RNF19B: variants seen among roughly 807,000 people sequenced by gnomAD.
RNF19B encodes the protein ring finger protein 19B.
Under a neutral mutation model 65.5 loss-of-function variants are expected in RNF19B, and 23 were observed. The ratio of observed to expected loss-of-function variants is 0.35; its 90% CI spans 0.25 to 0.50. The LOEUF (loss-of-function observed/expected upper bound fraction) is 0.50. RNF19B is among the 20% of genes least tolerant of loss of function. RNF19B has a pLI of 0.98. For synonymous variants in RNF19B, 372 were observed against 379.6 expected (o/e 0.98, Z 0.23); for missense variants, 794 against 980.0 (o/e 0.81, Z 2.53).
chr1:32,939,648 C>T (rs200067806), intron 7 of RNF19B, among the ~76,000 whole-genome samples: 2 of 152,370 alleles, frequency 1.3e-5, no homozygotes, highest in East Asian at 1.9e-4. Context: ...AACCTCTTCC[C>T]TCCTCTTGGA....
Position 32,949,691 on chromosome 1 carries a change from T to C in RNF19B, c.719A>G (p.His240Arg). ...ATTTGGATGCCATATCTGCTTGCAG[T>C]GGTAGCAGAACTCAGTCTGGCAACC... ...REGCQTEFCY[H>R]CKQIWHPNQT... Residue 240 changes from histidine (H) to arginine (R), a missense_variant, in exon 2 of 9, where the codon CAC (histidine) becomes CGC (arginine). By Grantham distance (29) the His-to-Arg change is conservative. This residue lies in a region of RNF19B where 374 missense variants were observed against 423.8 expected (regional missense o/e 0.88). Transcript: ENST00000235150. The C allele has an allele frequency of 6.2e-7, 1 of 1,613,860 alleles. No homozygotes were observed.
rs1489135608 is a variant in RNF19B, at chr1:32,964,648, G to A, written c.38C>T (p.Thr13Ile). 3 of 1,474,840 alleles carry A rather than the reference G, an allele frequency of 2.0e-6. No individual in the cohort carries two copies. The highest frequency in any genetic ancestry group is 3.1e-5 in the East Asian group (1 of 32,692). 91.4% of individuals were successfully genotyped at this position (1,474,840 alleles called of 1,614,324 possible). Residue 13 changes from threonine to isoleucine, a missense_variant, in exon 1 of 9, where the codon ACA becomes ATA. Thr to Ile is a moderately conservative substitution (Grantham distance 89). Coordinates refer to ENST00000235150, the MANE Select transcript of RNF19B (RefSeq NM_001300826.2). The surrounding 1 kb of genome is among the most constrained non-coding windows in gnomAD (Gnocchi z 6.5). Reference protein sequence around the residue: ...SEKDSESPRSTSLHAAAPDPK... With the variant: ...SEKDSESPRSISLHAAAPDPK... Reference sequence around the variant, plus strand: ...GTCGGGTGCGGCCGCATGTAGCGATGTGGAGCGCGGCGACTCGGAGTCCTT... The same window carrying A: ...GTCGGGTGCGGCCGCATGTAGCGATATGGAGCGCGGCGACTCGGAGTCCTT...
chr1:32,938,341 A>T, intron 8 of RNF19B, 56 bp downstream of exon 8: 2 of 1,601,400 alleles, frequency 1.2e-6, no homozygotes, highest in Non-Finnish European at 1.7e-6. Context: ...ACTTCTGAAG[A>T]CCTAGTACCC....
chr1:32,935,053 A>T (rs1246769561), downstream of RNF19B, among the ~76,000 whole-genome samples: 1 of 151,726 alleles, frequency 6.6e-6, no homozygotes, highest in African/African-American at 2.4e-5. Flanking sequence ...GATGGTCTTG[A>T]TCTCCTGACC....
chr1:32,931,582 G>A (rs1044969484), downstream of RNF19B, among the ~76,000 whole-genome samples: 1 of 152,174 alleles, frequency 6.6e-6, no homozygotes, highest in African/African-American at 2.4e-5. Flanking sequence ...TCACATAAGA[G>A]GCCTGGTAAA....
At chr1:32,944,290 T>C (rs893885942) in intron 5 of RNF19B, 131 bp from the exon 6 acceptor site, 11 of 967,106 alleles carry the variant, frequency 1.1e-5, no homozygotes, top group Non-Finnish European at 1.7e-5. Flanking sequence ...CCCAAAAAGG[T>C]GGCCTGGTGT....
chr1:32,940,829 A>C (rs573637618), intron 7 of RNF19B, among the ~76,000 whole-genome samples: 1 of 152,348 alleles, frequency 6.6e-6, no homozygotes, highest in East Asian at 1.9e-4. Flanking sequence ...AGCAAGTCAC[A>C]ATCTTTTTAG....
chr1:32,953,901 C>T (rs1300095634), intron 1 of RNF19B, among the ~76,000 whole-genome samples: 10 of 84,210 alleles, frequency 1.2e-4, no homozygotes, highest in South Asian at 4.2e-4. Context: ...GCCCCCACTT[C>T]TTTTTTTTTT....
In RNF19B at chr1:32,942,408, A is replaced by G. The variant is rs772527754; in HGVS notation, c.1454T>C (p.Ile485Thr). The G allele has an allele frequency of 9.9e-6, 16 of 1,614,066 alleles. No homozygotes were observed. The highest frequency in any genetic ancestry group is 1.3e-5 in the African/African-American group (1 of 74,942). ...GCTCAATACACTAGTCAGGCCTTCAATGCTGCTTTCCCCAATGCTGGGATT... is the reference window on the plus strand; with the variant it reads ...GCTCAATACACTAGTCAGGCCTTCAGTGCTGCTTTCCCCAATGCTGGGATT... ...LKNPSIGESS[I>T]EGLTSVLSTS... Residue 485 changes from isoleucine (I) to threonine (T), a missense_variant, in exon 7 of 9, where the codon ATT (isoleucine) becomes ACT (threonine). Ile to Thr is a moderately conservative substitution (Grantham distance 89, BLOSUM62 -1). Coordinates refer to ENST00000235150, the MANE Select transcript of RNF19B (RefSeq NM_001300826.2).
Position 32,936,689 on chromosome 1 carries a change from A to C in RNF19B, c.*117T>G. On this transcript the variant is annotated 3_prime_UTR_variant, in exon 9 of 9. Coordinates refer to ENST00000235150, the MANE Select transcript of RNF19B (RefSeq NM_001300826.2). Reference sequence around the variant, plus strand: ...GAATTTCCCTGGGCAAAAACCTGTGACCAGAGAATCTGTGAAATAAAATAC... The same window carrying C: ...GAATTTCCCTGGGCAAAAACCTGTGCCCAGAGAATCTGTGAAATAAAATAC... 9.9e-7 allele frequency: 1 copy of C among 1,009,276 alleles called. No individual in the cohort carries two copies. Among genetic ancestry groups the C allele is most frequent in the Non-Finnish European group, 1.3e-6 (1 of 743,080 alleles). The allele number at this position is 1,009,276 out of a possible 1,614,324, so 62.5% of individuals were successfully genotyped here. A position where few individuals can be genotyped will look rare whatever the true frequency, so the allele number is the denominator to read the frequency against.
Position 32,955,653 on chromosome 1 carries a change from G to A in RNF19B, c.636-5879C>T, listed in dbSNP as rs139661694. ...AGTCCCAGCTACTCAGGAGGCTGAGGTGGGAGGACGGCTACAGCCCGGGAG... is the reference window on the plus strand; with the variant it reads ...AGTCCCAGCTACTCAGGAGGCTGAGATGGGAGGACGGCTACAGCCCGGGAG... On this transcript the variant is annotated intron_variant, in intron 1 of 8. Transcript: ENST00000235150. Among the ~76,000 whole-genome samples the A allele has an allele frequency of 4.8e-3, 735 of 152,076 alleles. 9 individuals carry two copies. Among genetic ancestry groups the A allele is most frequent in the Admixed American group, 0.025 (388 of 15,260 alleles).
At position 32,944,217 on chromosome 1, in the gene RNF19B, C is replaced by T. The variant is rs142629039; in HGVS notation, c.1262-58G>A. The T allele has an allele frequency of 7.6e-4, 1,172 of 1,547,270 alleles. 11 individuals carry two copies. In the African/African-American group the frequency reaches 0.014, roughly 19 times the overall value. Reference sequence around the variant, plus strand: ...TATTAGGTTGCAAGTGCCCTGAATTCTTCTTCCCAGTCTGGGCATGGACAA... The same window carrying T: ...TATTAGGTTGCAAGTGCCCTGAATTTTTCTTCCCAGTCTGGGCATGGACAA... On this transcript the variant is annotated intron_variant, in intron 5 of 8. Transcript: ENST00000235150.
Position 32,957,872 on chromosome 1 carries a change from T to C in RNF19B, c.635+6179A>G, listed in dbSNP as rs1642676662. The stretch of plus-strand genomic sequence containing the variant: ...CTGTTGAATTGAATGATCACCTGTC[T>C]ATACTATTCTTGCTTATCTCTTTCA... On this transcript the variant is annotated intron_variant, in intron 1 of 8. Coordinates refer to ENST00000235150, the MANE Select transcript of RNF19B (RefSeq NM_001300826.2). Among the ~76,000 whole-genome samples the C allele has an allele frequency of 2.6e-5, 4 of 152,236 alleles. No homozygotes were observed. The South Asian group carries it at 8.3e-4, about 32-fold the overall frequency.
chr1:32,946,333 A>C, intron 4 of RNF19B, 69 bp downstream of exon 4: 1 of 1,393,782 alleles, frequency 7.2e-7, no homozygotes, highest in Non-Finnish European at 1.0e-6. Flanking sequence ...GCTCCTTCCC[A>C]TTTCCCTCAA....
At chr1:32,947,107 T>G (rs1431792468) in intron 3 of RNF19B, among the ~76,000 whole-genome samples, 3 of 152,216 alleles carry the variant, frequency 2.0e-5, no homozygotes, top group Admixed American at 6.5e-5. Flanking sequence ...CCAACCATTT[T>G]TGCCCATTCT....
At chr1:32,949,512 TG>T in intron 2 of RNF19B, 56 bp downstream of exon 2, 2 of 1,463,052 alleles carry the variant, frequency 1.4e-6, no homozygotes, top group African/African-American at 2.8e-5. Context: ...CTTTCAGCTA[TG>T]GGCTCACATC....
intron 1 of RNF19B, among the ~76,000 whole-genome samples, chr1:32,955,906 A>C (rs1216118900): frequency 6.6e-6 from 1 of 152,220 alleles, no homozygotes; most frequent in Non-Finnish European, 1.5e-5. Flanking sequence ...AGAAGCTAAA[A>C]GAAAGGTGTA....
rs761631934 is a variant in RNF19B at position 32,949,565 on chromosome 1, A to AT, written c.841+3dup. 8 of 1,613,570 alleles carry AT rather than the reference A, an allele frequency of 5.0e-6. No individual in the cohort carries two copies. In the Admixed American group the frequency reaches 8.3e-5, roughly 17 times the overall value. The stretch of plus-strand genomic sequence containing the variant: ...AGAGACAATGAGATAATGCCAACTT[A>AT]TACCTGGTCCAGATTCTTGCCCATA... On this transcript the variant is annotated splice_donor_region_variant and intron_variant, in intron 2 of 8. Coordinates refer to ENST00000235150, the MANE Select transcript of RNF19B (RefSeq NM_001300826.2).
rs1249120495 is a variant in RNF19B, at chr1:32,964,514, G to A, written c.172C>T (p.Pro58Ser). The A allele has an allele frequency of 9.2e-6, 9 of 978,424 alleles. No homozygotes were observed. Among genetic ancestry groups the A allele is most frequent in the East Asian group, 9.7e-5 (1 of 10,322 alleles). 60.6% of individuals were successfully genotyped at this position (978,424 alleles called of 1,614,324 possible). ...ARAKPQAEPP[P>S]PAAQPPPAPA... ...GCGGGCGGCGGCTGCGCAGCCGGGG[G>A]CGGCGGCTCGGCCTGCGGCTTGGCC... The change falls in exon 1 of 9, where the codon CCC becomes TCC. Residue 58 changes from proline (P) to serine (S), a missense_variant. Around this residue, in one of 3 missense-constraint regions of RNF19B, gnomAD observed 374 missense variants for 423.8 expected, o/e 0.88. Coordinates refer to ENST00000235150, the MANE Select transcript of RNF19B (RefSeq NM_001300826.2). This position sits in a 1 kb window ranked among gnomAD's most constrained non-coding sequence, Gnocchi z 6.5.
Sources: allele counts gnomAD v4.1 joint callset (sites outside exome capture counted in the v4.1 genomes callset), GRCh38; gene constraint gnomAD v4.1.1; regional missense constraint gnomAD v4.1.1; non-coding constraint Gnocchi (gnomAD v3.1); transcripts MANE v1.5; gene names NCBI Gene and HGNC (gene_info 2026-07-23, HGNC 2026-07-21).